EPHA4: variants seen among roughly 807,000 people sequenced by gnomAD.
EPHA4 encodes EPH receptor A4.
Under a neutral mutation model 108.3 loss-of-function variants are expected in EPHA4, and 19 were observed. That is an observed-to-expected ratio of 0.18 (90% CI 0.12 to 0.26). The LOEUF (loss-of-function observed/expected upper bound fraction) is 0.26. EPHA4 is among the 10% of genes least tolerant of loss of function. The pLI is 1.00. For synonymous variants in EPHA4, 449 were observed against 455.5 expected, an observed-to-expected ratio of 0.99 and a Z score of 0.18; for missense variants, 917 against 1,254.0, an observed-to-expected ratio of 0.73 and a Z score of 4.06.
intron 13 of EPHA4, among the ~76,000 whole-genome samples, chr2:221,435,478 C>A (rs538518046): frequency 1.2e-4 from 19 of 152,008 alleles, no homozygotes; most frequent in African/African-American, 4.6e-4. Flanking sequence ...CCCCCCTGCC[C>A]CCCTCCAAAA....
At chr2:221,461,686 T>C (rs1286581023) in intron 5 of EPHA4, among the ~76,000 whole-genome samples, 2 of 152,178 alleles carry the variant, frequency 1.3e-5, no homozygotes, top group Non-Finnish European at 2.9e-5. Flanking sequence ...TAATTGTTGG[T>C]ATCAGACTAA....
At chr2:221,560,639 G>GT (rs1254664835) in intron 3 of EPHA4, among the ~76,000 whole-genome samples, 1 of 152,170 alleles carries the variant, frequency 6.6e-6, no homozygotes, top group African/African-American at 2.4e-5. Flanking sequence ...AGAAATGCTA[G>GT]TATCAAGTTG....
In EPHA4 at chr2:221,446,114, T is replaced by G; in HGVS notation, c.1774+9A>C. On this transcript the variant is annotated intron_variant, in intron 9 of 17. Transcript: ENST00000281821. ...TAAAAATAGAATTTTTTAATCCAAT[T>G]TTTTGTACCTTGATTCAAATGTTTC... The G allele has an allele frequency of 6.5e-7, 1 of 1,531,126 alleles. No individual in the cohort carries two copies. Among genetic ancestry groups the G allele is most frequent in the Non-Finnish European group, 8.8e-7 (1 of 1,141,028 alleles). The allele number at this position is 1,531,126 out of a possible 1,614,324, so 94.8% of individuals were successfully genotyped here. A position where few individuals can be genotyped will look rare whatever the true frequency, so the allele number is the denominator to read the frequency against.
intron 5 of EPHA4, among the ~76,000 whole-genome samples, chr2:221,479,387 A>G (rs1691753392): frequency 6.6e-6 from 1 of 152,218 alleles, no homozygotes; most frequent in African/African-American, 2.4e-5. Context: ...CATTTCTAAC[A>G]TATTACTGAT....
At chr2:221,515,142 C>CTGGA (rs1692954216) in intron 3 of EPHA4, among the ~76,000 whole-genome samples, 1 of 152,164 alleles carries the variant, frequency 6.6e-6, no homozygotes, top group Admixed American at 6.5e-5. Flanking sequence ...GTTGGCCAGG[C>CTGGA]TGGAGTACAA....
At chr2:221,487,976 A>G (rs1692026670) in intron 4 of EPHA4, among the ~76,000 whole-genome samples, 1 of 152,158 alleles carries the variant, frequency 6.6e-6, no homozygotes, top group Admixed American at 6.5e-5. Context: ...TTAGTTTATA[A>G]ATCTTTTGCA....
chr2:221,425,988 T>C lies in EPHA4; in HGVS notation c.*40A>G. The C allele has an allele frequency of 1.3e-6, 2 of 1,551,660 alleles. No individual in the cohort carries two copies. Among genetic ancestry groups the C allele is most frequent in the Non-Finnish European group, 1.8e-6 (2 of 1,123,620 alleles). On this transcript the variant is annotated 3_prime_UTR_variant, in exon 17 of 18. Transcript: ENST00000281821. Reference sequence around the variant, plus strand: ...CTTCAATTAAAGTGCATGGATGAGGTAAACTAATTTCAAGAGTTTTGAGTT... The same window carrying C: ...CTTCAATTAAAGTGCATGGATGAGGCAAACTAATTTCAAGAGTTTTGAGTT...
chr2:221,553,087 TTTG>T (rs1195038950), intron 3 of EPHA4, among the ~76,000 whole-genome samples: 1 of 152,200 alleles, frequency 6.6e-6, no homozygotes, highest in Non-Finnish European at 1.5e-5. Flanking sequence ...TAAAAGTATC[TTTG>T]TTTACTGCCT....
intron 3 of EPHA4, among the ~76,000 whole-genome samples, chr2:221,537,325 C>T (rs763420650): frequency 1.3e-5 from 2 of 152,212 alleles, no homozygotes; most frequent in Admixed American, 6.5e-5. Context: ...AAAGTCACTC[C>T]TAAAAATAGT....
Position 221,446,160 on chromosome 2 carries a change from G to T in EPHA4, c.1737C>A (p.Ala579=). ...GTTTCTCTTCATCCGCTTCTTGTTT[G>T]GCTTTACTGTATTTACTCCGTCTAT... The part of the protein sequence containing the change: ...ISRRRSKYSK[A]KQEADEEKHL... The change falls in exon 9 of 18, where the codon GCC becomes GCA. Residue 579 remains alanine (A), a synonymous_variant. Coordinates refer to ENST00000281821, the MANE Select transcript of EPHA4 (RefSeq NM_004438.5). 1 of 1,546,524 alleles carries T rather than the reference G, an allele frequency of 6.5e-7. No individual in the cohort carries two copies. Among genetic ancestry groups the T allele is most frequent in the Non-Finnish European group, 8.7e-7 (1 of 1,149,006 alleles).
rs115360542 is a variant in EPHA4, at chr2:221,471,058, G to C, written c.1318+11294C>G. Among the ~76,000 whole-genome samples the C allele has an allele frequency of 6.0e-3, 909 of 152,156 alleles. 10 individuals are homozygous for C. The highest frequency in any genetic ancestry group is 0.021 in the African/African-American group (865 of 41,520). ...GTTTAAATTTCTATAGGCATTATAA[G>C]AATGGGGCAGAAACAACTGAGCTAT... On this transcript the variant is annotated intron_variant, in intron 5 of 17. Transcript: ENST00000281821.
At position 221,430,013 on chromosome 2, in the gene EPHA4, C is replaced by A; in HGVS notation, c.2635G>T (p.Asp879Tyr). ...PKFGQIVNML[D>Y]KLIRNPNSLK... ...CTGTTGGGGTTGCGGATGAGTTTGTCCAACATGTTGACAATCTGCCCAAAT... is the reference window on the plus strand; with the variant it reads ...CTGTTGGGGTTGCGGATGAGTTTGTACAACATGTTGACAATCTGCCCAAAT... The change falls in exon 15 of 18, where the codon GAC (aspartate) becomes TAC (tyrosine). Residue 879 changes from aspartate to tyrosine, a missense_variant. Asp to Tyr is a radical substitution (Grantham distance 160). Coordinates refer to ENST00000281821, the MANE Select transcript of EPHA4 (RefSeq NM_004438.5). 6.2e-7 allele frequency: 1 copy of A among 1,614,004 alleles called. No individual in the cohort carries two copies. The highest frequency in any genetic ancestry group is 8.5e-7 in the Non-Finnish European group (1 of 1,179,980).
rs889141426 is a variant in EPHA4, at chr2:221,446,192, T to G, written c.1716-11A>C. On this transcript the variant is annotated splice_polypyrimidine_tract_variant and intron_variant, in intron 8 of 17. Transcript: ENST00000281821. ...CTGTATTTACTCCGTCTATTAAAAT[T>G]TTTTTAAAAAAGAGAATTATTTTCC... 1.3e-6 allele frequency: 2 copies of G among 1,488,620 alleles called. No individual in the cohort carries two copies. Among genetic ancestry groups the G allele is most frequent in the Non-Finnish European group, 1.8e-6 (2 of 1,117,540 alleles). The allele number at this position is 1,488,620 out of a possible 1,614,324, so 92.2% of individuals were successfully genotyped here. A position where few individuals can be genotyped will look rare whatever the true frequency, so the allele number is the denominator to read the frequency against.
chr2:221,490,808 A>G (rs187700453), intron 4 of EPHA4, among the ~76,000 whole-genome samples: 34 of 152,294 alleles, frequency 2.2e-4, no homozygotes, highest in Admixed American at 2.0e-3. Flanking sequence ...TGACATTTGT[A>G]TATGTTGCCA....
At chr2:221,472,459 C>T (rs1691517939) in intron 5 of EPHA4, among the ~76,000 whole-genome samples, 2 of 152,146 alleles carry the variant, frequency 1.3e-5, no homozygotes, top group South Asian at 4.1e-4. Flanking sequence ...TTGGAACACA[C>T]TGTGAGTCTA....
intron 5 of EPHA4, among the ~76,000 whole-genome samples, chr2:221,471,807 AT>A (rs1691495603): frequency 6.6e-6 from 1 of 152,200 alleles, no homozygotes; most frequent in African/African-American, 2.4e-5. Context: ...TCCACTGTTC[AT>A]GGCTACAAAA....
chr2:221,562,286 G>T (rs1694492686), intron 3 of EPHA4, among the ~76,000 whole-genome samples: 2 of 148,074 alleles, frequency 1.4e-5, no homozygotes, highest in South Asian at 2.1e-4. Flanking sequence ...CAAAATGAAA[G>T]AACATTCACT....
intron 3 of EPHA4, among the ~76,000 whole-genome samples, chr2:221,528,800 C>T (rs1241288775): frequency 6.6e-6 from 1 of 152,132 alleles, no homozygotes; most frequent in Admixed American, 6.5e-5. Context: ...GGGTTCCATG[C>T]CCTCCTGTGC....
At chr2:221,548,929 C>G (rs1694082503) in intron 3 of EPHA4, among the ~76,000 whole-genome samples, 1 of 152,048 alleles carries the variant, frequency 6.6e-6, no homozygotes, top group Admixed American at 6.6e-5. Context: ...AGGACGACAC[C>G]AGGATTTACC....
Sources: gnomAD v4.1 joint callset for allele counts (sites outside exome capture counted in the v4.1 genomes callset) on GRCh38, gnomAD v4.1.1 for gene constraint, MANE v1.5 for transcripts, NCBI Gene and HGNC (gene_info 2026-07-23, HGNC 2026-07-21) for gene names.